Variants in ROBO2 observed in about 807,000 individuals in gnomAD.
ROBO2 encodes roundabout homolog 2.
In ROBO2, 53 loss-of-function variants were observed where a neutral mutation model predicts 160.8. The observed-to-expected ratio is 0.33, with a 90% CI of 0.26 to 0.41. The LOEUF is 0.41. Ranked by LOEUF, ROBO2 falls within the 10% of genes least tolerant of loss-of-function variation. ROBO2 has a pLI of 1.00. For missense variants in ROBO2, 1,577 were observed against 1,722.4 expected, an observed-to-expected ratio of 0.92 and a Z score of 1.49; for synonymous variants, 664 against 611.7, an observed-to-expected ratio of 1.09 and a Z score of -1.26.
intron 2 of ROBO2, among the ~76,000 whole-genome samples, chr3:76,944,877 T>A (rs2078418904): frequency 6.6e-6 from 1 of 151,692 alleles, no homozygotes; most frequent in South Asian, 2.1e-4. Flanking sequence ...CCCTTGAATC[T>A]GAGAGGTGCT....
At chr3:76,363,198 TACACACACACACAGGC>T (rs1553721362) in intron 2 of ROBO2, among the ~76,000 whole-genome samples, 2 of 151,420 alleles carry the variant, frequency 1.3e-5, no homozygotes, top group East Asian at 2.0e-4. Flanking sequence ...TAACAAAGTA[TACACACACACACAGGC>T]ACACACACAC....
intron 2 of ROBO2, among the ~76,000 whole-genome samples, chr3:76,678,842 A>G (rs1474664572): frequency 6.6e-6 from 1 of 152,214 alleles, no homozygotes; most frequent in African/African-American, 2.4e-5. Flanking sequence ...AATAAGAGAC[A>G]TGAAATGGAA....
chr3:76,959,374 G>C (rs1382159619), intron 2 of ROBO2, among the ~76,000 whole-genome samples: 2 of 152,040 alleles, frequency 1.3e-5, no homozygotes, highest in Non-Finnish European at 2.9e-5. Flanking sequence ...TATATCCTCT[G>C]GCAAAATTCG....
chr3:77,519,648 T>C (rs2090386981), intron 5 of ROBO2, among the ~76,000 whole-genome samples: 1 of 151,558 alleles, frequency 6.6e-6, no homozygotes, highest in Non-Finnish European at 1.5e-5. Flanking sequence ...ATGGTATATA[T>C]GCATCACATT....
chr3:76,529,502 C>G (rs2082113288), intron 2 of ROBO2, among the ~76,000 whole-genome samples: 1 of 152,038 alleles, frequency 6.6e-6, no homozygotes, highest in Non-Finnish European at 1.5e-5. Context: ...CAGATCTAAG[C>G]TGCACTGAGA....
At chr3:77,530,925 C>G (rs937975807) in intron 6 of ROBO2, among the ~76,000 whole-genome samples, 4 of 152,086 alleles carry the variant, frequency 2.6e-5, no homozygotes, top group Admixed American at 1.3e-4. Context: ...ACCCATCTGT[C>G]TTATTTTTCT....
At chr3:76,327,532 C>T (rs1016138892) in intron 2 of ROBO2, among the ~76,000 whole-genome samples, 2 of 152,136 alleles carry the variant, frequency 1.3e-5, no homozygotes, top group African/African-American at 2.4e-5. Flanking sequence ...TTAAACAATT[C>T]TTGATTCTAT....
At chr3:77,402,671 T>C (rs769140779) in intron 2 of ROBO2, among the ~76,000 whole-genome samples, 1 of 151,944 alleles carries the variant, frequency 6.6e-6, no homozygotes, top group Non-Finnish European at 1.5e-5. Flanking sequence ...TGAGCGTGTG[T>C]ACAACTCCAG....
intron 2 of ROBO2, among the ~76,000 whole-genome samples, chr3:76,072,108 G>T (rs964495294): frequency 2.6e-5 from 4 of 152,072 alleles, no homozygotes; most frequent in African/African-American, 9.7e-5. Flanking sequence ...CACATACTGT[G>T]TTCTAGCATT....
intron 2 of ROBO2, among the ~76,000 whole-genome samples, chr3:76,023,977 A>T (rs1000808346): frequency 6.6e-6 from 1 of 151,598 alleles, no homozygotes; most frequent in Non-Finnish European, 1.5e-5. Flanking sequence ...ATCATTAAAT[A>T]CATTGCTTCC....
chr3:76,684,921 C>A (rs1024687564), intron 2 of ROBO2, among the ~76,000 whole-genome samples: 77 of 151,690 alleles, frequency 5.1e-4, no homozygotes, highest in Non-Finnish European at 7.7e-4. Flanking sequence ...GAATTAAAAA[C>A]CCCAGGCAAA....
intron 2 of ROBO2, among the ~76,000 whole-genome samples, chr3:76,132,805 A>C (rs2071278587): frequency 6.6e-6 from 1 of 152,110 alleles, no homozygotes; most frequent in Non-Finnish European, 1.5e-5. Context: ...TTTTTCTTAT[A>C]TGTGAATAAG....
chr3:77,072,880 T>G (rs1172009299), intron 1 of ROBO2, among the ~76,000 whole-genome samples: 1 of 152,202 alleles, frequency 6.6e-6, no homozygotes, highest in Non-Finnish European at 1.5e-5. Flanking sequence ...TTACATTTAT[T>G]TACTATAAAC....
intron 2 of ROBO2, among the ~76,000 whole-genome samples, chr3:77,021,654 A>T (rs2062645828): frequency 6.6e-6 from 1 of 152,194 alleles, no homozygotes. Flanking sequence ...GTTCAAATTT[A>T]ATTGCTGTTG....
At chr3:76,402,569 G>T (rs895878309) in intron 2 of ROBO2, among the ~76,000 whole-genome samples, 1 of 151,488 alleles carries the variant, frequency 6.6e-6, no homozygotes, top group African/African-American at 2.4e-5. Context: ...TAAATTGTCA[G>T]TAGGTTGCAT....
At chr3:75,983,355 C>T (rs757302802) in intron 2 of ROBO2, among the ~76,000 whole-genome samples, 4 of 151,420 alleles carry the variant, frequency 2.6e-5, no homozygotes, top group African/African-American at 4.8e-5. Context: ...ATTTTCTGAA[C>T]GGGAAGTATA....
chr3:77,445,794 G>GTTTTTTTT (rs199914360), intron 2 of ROBO2, among the ~76,000 whole-genome samples: 5 of 123,080 alleles, frequency 4.1e-5, no homozygotes, highest in African/African-American at 1.3e-4. Flanking sequence ...GTTTTTTTTT[G>GTTTTTTTT]TTTTTTTTTT....
intron 2 of ROBO2, among the ~76,000 whole-genome samples, chr3:76,642,113 T>C (rs1450016961): frequency 1.3e-5 from 2 of 152,122 alleles, no homozygotes; most frequent in Non-Finnish European, 2.9e-5. Flanking sequence ...ATTTCCAAAC[T>C]AAACATTAAA....
exon 15 of ROBO2, chr3:77,577,535 G>A (rs549272002): frequency 6.2e-7 from 1 of 1,613,388 alleles, no homozygotes; most frequent in East Asian, 2.2e-5. Context: ...ACAGTTGGAA[G>A]CTACAATAGC....
Sources: allele counts gnomAD v4.1 joint callset (sites outside exome capture counted in the v4.1 genomes callset), GRCh38; gene constraint gnomAD v4.1.1; transcripts MANE v1.5; gene names NCBI Gene and HGNC (gene_info 2026-07-23, HGNC 2026-07-21).